Variants in MYZAP observed in about 807,000 individuals in gnomAD.
MYZAP encodes myocardial zonula adherens protein.
MYZAP carries 66 observed loss-of-function variants against 69.4 expected under a neutral mutation model. The ratio of observed to expected loss-of-function variants is 0.95; its 90% CI spans 0.78 to 1.17. The LOEUF is 1.17. Ranked by LOEUF, MYZAP falls within the 50% of genes most tolerant of loss-of-function variation. The probability of loss-of-function intolerance (pLI) is 0.00; values close to 1 mark genes in which losing one functional copy is unlikely to be tolerated. For missense variants in MYZAP, 611 were observed against 556.2 expected, an observed-to-expected ratio of 1.10 and a Z score of -0.99; for synonymous variants, 256 against 205.9, an observed-to-expected ratio of 1.24 and a Z score of -2.09.
chr15:57,620,711 C>T (rs2035752092), intron 3 of MYZAP, among the ~76,000 whole-genome samples: 1 of 152,200 alleles, frequency 6.6e-6, no homozygotes, highest in African/African-American at 2.4e-5. Flanking sequence ...TCATATTTTA[C>T]TTCCTTCCAT....
chr15:57,648,379 C>T, intron 10 of MYZAP: 1 of 985,372 alleles, frequency 1.0e-6, no homozygotes, highest in Non-Finnish European at 1.2e-6. Flanking sequence ...TCTCAGACAC[C>T]TGGTGCCCAG....
intron 11 of MYZAP, among the ~76,000 whole-genome samples, chr15:57,668,472 G>GT (rs1470200000): frequency 6.6e-6 from 1 of 152,154 alleles, no homozygotes; most frequent in African/African-American, 2.4e-5. Flanking sequence ...TAGCCATTCA[G>GT]TGTTATAGCT....
chr15:57,644,034 A>G (rs1019310989), intron 10 of MYZAP, among the ~76,000 whole-genome samples: 1 of 152,322 alleles, frequency 6.6e-6, no homozygotes, highest in Non-Finnish European at 1.5e-5. Context: ...CATTGGAATC[A>G]CCTGGGGAGC....
At chr15:57,599,404 C>A in intron 1 of MYZAP, 1 of 1,020,482 alleles carries the variant, frequency 9.8e-7, no homozygotes, top group Non-Finnish European at 1.2e-6. Flanking sequence ...AAAAATATTT[C>A]ACAAGTAATA....
chr15:57,663,394 A>G (rs1375585321), intron 11 of MYZAP, among the ~76,000 whole-genome samples: 1 of 152,198 alleles, frequency 6.6e-6, no homozygotes, highest in Admixed American at 6.5e-5. Flanking sequence ...GAGTCCAGAT[A>G]GTTTATCTGG....
intron 12 of MYZAP, among the ~76,000 whole-genome samples, chr15:57,682,350 G>A (rs2039487922): frequency 1.3e-5 from 2 of 152,258 alleles, no homozygotes; most frequent in East Asian, 1.9e-4. Flanking sequence ...GAGAAGCTGG[G>A]AAATGTAGTT....
At chr15:57,655,407 C>G (rs528107969) in intron 10 of MYZAP, among the ~76,000 whole-genome samples, 17 of 152,238 alleles carry the variant, frequency 1.1e-4, no homozygotes, top group African/African-American at 4.1e-4. Flanking sequence ...CCTCCCGTGC[C>G]ATGCTAGTGA....
intron 1 of MYZAP, among the ~76,000 whole-genome samples, chr15:57,602,938 C>A (rs1278118311): frequency 3.3e-5 from 5 of 152,126 alleles, no homozygotes; most frequent in Admixed American, 3.3e-4. Context: ...TATAGTAGTC[C>A]ATTTTTCCCT....
At chr15:57,622,447 G>T (rs112411790) in intron 4 of MYZAP, among the ~76,000 whole-genome samples, 2,454 of 152,128 alleles carry the variant, frequency 0.016, 60 homozygotes, top group African/African-American at 0.053. Context: ...TAAATAAAAA[G>T]ATTGGGAAAA....
rs374845180 is a variant in MYZAP, at chr15:57,595,860, C to T, written c.75+3751C>T. 1.1e-4 allele frequency among the ~76,000 whole-genome samples: 16 copies of T among 152,292 alleles called. 1 individual carries two copies. Among genetic ancestry groups the T allele is most frequent in the Admixed American group, 8.5e-4 (13 of 15,304 alleles). On this transcript the variant is annotated intron_variant, in intron 1 of 12. Coordinates refer to ENST00000267853, the MANE Select transcript of MYZAP (RefSeq NM_001018100.5). ...TGGCAAAGGCTTCCTCTGTTAAACA[C>T]TGGAATGGGCCTGCTAGTCATTGTT...
chr15:57,599,397 A>G (rs1412091823), intron 1 of MYZAP: 1 of 1,072,180 alleles, frequency 9.3e-7, no homozygotes, highest in African/African-American at 1.7e-5. Flanking sequence ...AGTCCCTAAA[A>G]ATATTTCACA....
intron 9 of MYZAP, among the ~76,000 whole-genome samples, chr15:57,638,092 C>G (rs1244344389): frequency 3.0e-4 from 45 of 152,204 alleles, no homozygotes; most frequent in Admixed American, 2.9e-3. Context: ...GAAAACTCAT[C>G]AGCTGTGACT....
At chr15:57,644,208 G>C (rs2037323687) in intron 10 of MYZAP, among the ~76,000 whole-genome samples, 1 of 152,204 alleles carries the variant, frequency 6.6e-6, no homozygotes, top group South Asian at 2.1e-4. Context: ...TGGGTTTCAT[G>C]TTCATGCATT....
At chr15:57,612,499 C>A (rs553834733) in intron 2 of MYZAP, among the ~76,000 whole-genome samples, 1 of 152,128 alleles carries the variant, frequency 6.6e-6, no homozygotes, top group Non-Finnish European at 1.5e-5. Flanking sequence ...TTCTTTTTCC[C>A]TTCAAAATGT....
chr15:57,681,809 C>T (rs1480060708), intron 12 of MYZAP, among the ~76,000 whole-genome samples: 1 of 151,818 alleles, frequency 6.6e-6, no homozygotes, highest in Non-Finnish European at 1.5e-5. Context: ...ATGGAGGTGT[C>T]AGAAGCCTGT....
intron 11 of MYZAP, among the ~76,000 whole-genome samples, chr15:57,665,228 C>G (rs879757650): frequency 6.6e-6 from 1 of 152,234 alleles, no homozygotes; most frequent in African/African-American, 2.4e-5. Flanking sequence ...GCCCAGCAGT[C>G]CTTTGCCTGC....
chr15:57,636,135 T>A lies in MYZAP; in HGVS notation c.934-1560T>A, dbSNP rs557855221. Among the ~76,000 whole-genome samples the A allele has an allele frequency of 2.6e-4, 40 of 152,112 alleles. 1 individual carries two copies. The South Asian group carries it at 8.2e-3, about 31-fold the overall frequency. On this transcript the variant is annotated intron_variant, in intron 8 of 12. Coordinates refer to ENST00000267853, the MANE Select transcript of MYZAP (RefSeq NM_001018100.5). ...TATGACAGCCTTTTTCTTTCTTGTT[T>A]TTTGTTTTTTTTTTCTTTTTGGAGG...
chr15:57,667,045 C>T (rs1279763137), intron 11 of MYZAP, among the ~76,000 whole-genome samples: 1 of 152,166 alleles, frequency 6.6e-6, no homozygotes, highest in East Asian at 1.9e-4. Context: ...GTCGGATATA[C>T]TACACTTACA....
intron 2 of MYZAP, among the ~76,000 whole-genome samples, chr15:57,605,110 T>C (rs2034663113): frequency 6.6e-6 from 1 of 152,144 alleles, no homozygotes; most frequent in South Asian, 2.1e-4. Context: ...ATTTTACTCA[T>C]TCATAATTAT....
Sources: gnomAD v4.1 joint callset for allele counts (sites outside exome capture counted in the v4.1 genomes callset) on GRCh38, gnomAD v4.1.1 for gene constraint, MANE v1.5 for transcripts, NCBI Gene and HGNC (gene_info 2026-07-23, HGNC 2026-07-21) for gene names.